The following AGO3 variants were observed in gnomAD, a reference collection of about 807,000 sequenced individuals.
AGO3 encodes protein argonaute-3.
A neutral mutation model predicts 105.5 loss-of-function variants in AGO3; 16 were observed. That is an observed-to-expected ratio of 0.15 (90% CI 0.10 to 0.23). The LOEUF (loss-of-function observed/expected upper bound fraction) is 0.23, where lower values mean the gene tolerates loss of function less well. AGO3 is among the 10% of genes least tolerant of loss of function. The pLI is 1.00. For missense variants in AGO3, 534 were observed against 1,088.0 expected, an observed-to-expected ratio of 0.49 and a Z score of 7.16; for synonymous variants, 340 against 367.3, an observed-to-expected ratio of 0.93 and a Z score of 0.85.
At chr1:35,971,047 T>A (rs995596616) in intron 3 of AGO3, among the ~76,000 whole-genome samples, 6 of 137,320 alleles carry the variant, frequency 4.4e-5, no homozygotes, top group Admixed American at 2.8e-4. Context: ...TATATATATT[T>A]TTTATTATAA....
Position 35,967,030 on chromosome 1 carries a change from A to G in AGO3, c.267A>G (p.Lys89=), listed in dbSNP as rs1431310175. The part of the protein sequence containing the change: ...FGDRRPVYDG[K]RSLYTANPLP... ...ACCGTAGACCAGTTTATGATGGAAA[A>G]AGAAGTCTTTACACCGCCAATCCAC... is the stretch of plus-strand genomic sequence containing the variant. Residue 89 remains lysine, a synonymous_variant, in exon 3 of 19, where the codon AAA becomes AAG. Transcript: ENST00000373191. 6.2e-7 allele frequency: 1 copy of G among 1,613,884 alleles called. No homozygotes were observed.
At chr1:36,012,337 GAAAAGAAAAGGA>G (rs1640659066) in intron 9 of AGO3, among the ~76,000 whole-genome samples, 1 of 148,904 alleles carries the variant, frequency 6.7e-6, no homozygotes. Context: ...AAAAAAAAAA[GAAAAGAAAAGGA>G]AAAAGAAAAG....
Position 36,055,017 on chromosome 1 carries a change from G to T in AGO3, c.2346G>T (p.Leu782=), listed in dbSNP as rs761625994. Residue 782 remains leucine, a synonymous_variant, in exon 18 of 19, where the codon CTG becomes CTT. Coordinates refer to ENST00000373191, the MANE Select transcript of AGO3 (RefSeq NM_024852.4). The surrounding 1 kb of genome is among the most constrained non-coding windows in gnomAD (Gnocchi z 4.4). ...GCTTTACTGCAGATGAACTTCAGCT[G>T]CTAACTTACCAGCTCTGCCACACTT... is the stretch of plus-strand genomic sequence containing the variant. ...DNCFTADELQ[L]LTYQLCHTYV... is the part of the protein sequence containing the mutation. The T allele has an allele frequency of 6.2e-7, 1 of 1,614,064 alleles. No individual in the cohort carries two copies. The highest frequency in any genetic ancestry group is 1.3e-5 in the African/African-American group (1 of 74,930).
At chr1:36,002,809 C>T (rs1640151772) in intron 5 of AGO3, among the ~76,000 whole-genome samples, 1 of 151,958 alleles carries the variant, frequency 6.6e-6, no homozygotes, top group East Asian at 1.9e-4. Flanking sequence ...AAAGTTTACG[C>T]TCCTGACCTC....
At chr1:36,039,649 G>A in intron 14 of AGO3, 141 bp from the exon 15 acceptor site, 1 of 591,830 alleles carries the variant, frequency 1.7e-6, no homozygotes, top group Non-Finnish European at 2.4e-6. Flanking sequence ...ACCCAACTCA[G>A]AATTACTATT....
chr1:35,972,338 A>G lies in AGO3; in HGVS notation c.521+106A>G, dbSNP rs148528652. On this transcript the variant is annotated intron_variant, in intron 4 of 18. Coordinates refer to ENST00000373191, the MANE Select transcript of AGO3 (RefSeq NM_024852.4). ...ATTTGTCATATATTTTGATTGTTCA[A>G]CTGAAATGTTGAACAAGAATAGCAT... 116 of 1,266,634 alleles carry G rather than the reference A, an allele frequency of 9.2e-5. 1 individual carries two copies. In the East Asian group the frequency reaches 2.0e-3, roughly 21 times the overall value. The allele number at this position is 1,266,634 out of a possible 1,614,324, so 78.5% of individuals were successfully genotyped here.
At position 36,034,163 on chromosome 1, in the gene AGO3, C is replaced by A; in HGVS notation, c.1592-11C>A. 6.6e-7 allele frequency: 1 copy of A among 1,514,142 alleles called. No homozygotes were observed. The highest frequency in any genetic ancestry group is 8.8e-7 in the Non-Finnish European group (1 of 1,130,970). 93.8% of individuals were successfully genotyped at this position (1,514,142 alleles called of 1,614,324 possible). A position where few individuals can be genotyped will look rare whatever the true frequency, so the allele number is the denominator to read the frequency against. ...TTTTTTCTGACTAGAGGTTTTGCAT[C>A]TATTCCATAGCGGAAGTGAAACGTG... On this transcript the variant is annotated splice_polypyrimidine_tract_variant and intron_variant, in intron 12 of 18. Coordinates refer to ENST00000373191, the MANE Select transcript of AGO3 (RefSeq NM_024852.4).
intron 2 of AGO3, among the ~76,000 whole-genome samples, chr1:35,960,683 TAGTG>T (rs917963122): frequency 6.6e-6 from 1 of 151,976 alleles, no homozygotes; most frequent in African/African-American, 2.4e-5. Context: ...TGTGTCATAT[TAGTG>T]AGAGGTTAAA....
intron 2 of AGO3, among the ~76,000 whole-genome samples, chr1:35,959,676 T>C (rs1646638821): frequency 6.6e-6 from 1 of 152,130 alleles, no homozygotes; most frequent in Non-Finnish European, 1.5e-5. Context: ...ATTCCACTCC[T>C]AACCCTATTG....
rs79054898 is a variant in AGO3, at chr1:35,946,093, G to A, written c.191+230G>A. 5.0e-3 allele frequency among the ~76,000 whole-genome samples: 755 copies of A among 152,252 alleles called. 3 individuals are homozygous for A. The highest frequency in any genetic ancestry group is 7.1e-3 in the Non-Finnish European group (482 of 68,006). On this transcript the variant is annotated intron_variant, in intron 2 of 18. Coordinates refer to ENST00000373191, the MANE Select transcript of AGO3 (RefSeq NM_024852.4). ...CATTTTCCCTGTGATAATAGAAAAG[G>A]TTCAAGTTATTTTTACATGCTCCTG...
At chr1:36,006,063 A>G (rs1056815062) in intron 6 of AGO3, among the ~76,000 whole-genome samples, 14 of 151,226 alleles carry the variant, frequency 9.3e-5, no homozygotes, top group East Asian at 7.7e-4. Context: ...GTGGGATCCA[A>G]TTGACAAACT....
intron 3 of AGO3, among the ~76,000 whole-genome samples, chr1:35,969,429 C>T (rs1210466744): frequency 6.6e-6 from 1 of 152,048 alleles, no homozygotes; most frequent in Non-Finnish European, 1.5e-5. Flanking sequence ...ATTGATTATT[C>T]TTGCTTGAAA....
intron 1 of AGO3, among the ~76,000 whole-genome samples, chr1:35,938,976 T>C (rs763917963): frequency 1.6e-4 from 24 of 152,180 alleles, no homozygotes; most frequent in Non-Finnish European, 3.2e-4. Context: ...TATGGTTTTA[T>C]GTTTGAAATT....
chr1:36,071,491 C>T lies in AGO3; in HGVS notation c.*15746C>T, dbSNP rs1366137957. 1 of 152,162 alleles carries T rather than the reference C, an allele frequency of 6.6e-6. No homozygotes were observed. The highest frequency in any genetic ancestry group is 1.5e-5 in the Non-Finnish European group (1 of 68,034). The allele number at this position is 152,162 out of a possible 1,614,324, so 9.4% of individuals were successfully genotyped here. On this transcript the variant is annotated 3_prime_UTR_variant, in exon 19 of 19. Transcript: ENST00000373191. The stretch of plus-strand genomic sequence containing the variant: ...CATAAAATCAGAGTAACCTCTTTCT[C>T]CATCCTCCTTTTCCACACTATTCTT...
At chr1:35,945,520 A>G (rs1030325872) in intron 1 of AGO3, among the ~76,000 whole-genome samples, 172 bp from the exon 2 acceptor site, 12 of 152,212 alleles carry the variant, frequency 7.9e-5, no homozygotes, top group Non-Finnish European at 1.8e-4. Context: ...ATTTTTAATG[A>G]AGAGAGGAAA....
intron 1 of AGO3, among the ~76,000 whole-genome samples, chr1:35,943,994 A>G (rs990153850): frequency 6.6e-6 from 1 of 152,188 alleles, no homozygotes; most frequent in Non-Finnish European, 1.5e-5. Flanking sequence ...ATTTCATTGT[A>G]TGTATATACC....
At chr1:35,975,750 C>T (rs1281976790) in intron 5 of AGO3, among the ~76,000 whole-genome samples, 6 of 152,008 alleles carry the variant, frequency 3.9e-5, no homozygotes, top group Non-Finnish European at 7.4e-5. Context: ...TGGGAGAGGA[C>T]AGATTGTTAT....
At chr1:35,992,115 A>G (rs1291186016) in intron 5 of AGO3, 2 of 152,220 alleles carry the variant, frequency 1.3e-5, no homozygotes, top group Non-Finnish European at 2.9e-5. Flanking sequence ...TGCCTAAAGG[A>G]TAGCAGTGTG....
At chr1:35,941,279 C>T (rs1646248953) in intron 1 of AGO3, among the ~76,000 whole-genome samples, 5 of 151,528 alleles carry the variant, frequency 3.3e-5, no homozygotes, top group Admixed American at 2.6e-4. Flanking sequence ...CATCACTCCC[C>T]TAACTGTACT....
Sources: gnomAD v4.1 joint callset for allele counts (sites outside exome capture counted in the v4.1 genomes callset) on GRCh38, gnomAD v4.1.1 for gene constraint, Gnocchi (gnomAD v3.1) non-coding constraint, MANE v1.5 for transcripts, NCBI Gene and HGNC (gene_info 2026-07-23, HGNC 2026-07-21) for gene names.